ELMO1: variants seen among roughly 807,000 people sequenced by gnomAD.
The protein encoded by ELMO1 is engulfment and cell motility 1, also known as engulfment and cell motility protein 1.
In ELMO1, 26 loss-of-function variants were observed where a neutral mutation model predicts 98.9. The ratio of observed to expected loss-of-function variants is 0.26; its 90% CI spans 0.19 to 0.36. The LOEUF is 0.36. Among genes scored for constraint, ELMO1 ranks in the 10% least tolerant of loss-of-function variants. ELMO1 has a pLI of 1.00. For missense variants in ELMO1, 627 were observed against 935.2 expected (o/e 0.67, Z 4.30); for synonymous variants, 346 against 346.0 (o/e 1.00, Z 0.00).
intron 14 of ELMO1, among the ~76,000 whole-genome samples, chr7:37,119,200 G>A (rs1311390280): frequency 6.6e-6 from 1 of 152,196 alleles, no homozygotes; most frequent in Non-Finnish European, 1.5e-5. Flanking sequence ...TGGAAAGGCT[G>A]AAAAGAGATT....
At chr7:37,136,408 C>T (rs185461803) in intron 13 of ELMO1, among the ~76,000 whole-genome samples, 157 of 152,264 alleles carry the variant, frequency 1.0e-3, no homozygotes, top group African/African-American at 3.7e-3. Flanking sequence ...AACATCATCA[C>T]CTAGGCACAT....
At chr7:37,247,769 T>A (rs753452303) in intron 6 of ELMO1, among the ~76,000 whole-genome samples, 1 of 152,120 alleles carries the variant, frequency 6.6e-6, no homozygotes, top group Non-Finnish European at 1.5e-5. Flanking sequence ...GGAGCTAGAT[T>A]CTTTCCATTA....
rs184117889 is a variant in ELMO1, at chr7:37,106,729, T to C, written c.1192-10002A>G. Among the ~76,000 whole-genome samples the C allele has an allele frequency of 4.6e-5, 7 of 152,190 alleles. No individual in the cohort carries two copies. In the East Asian group the frequency reaches 1.4e-3, roughly 29 times the overall value. On this transcript the variant is annotated intron_variant, in intron 14 of 21. Transcript: ENST00000310758. ...GTGGCATTGGTACAAAGTCCTGTGG[T>C]ATCATTAAGGCAGAACTCCTCTACT...
intron 4 of ELMO1, among the ~76,000 whole-genome samples, chr7:37,297,718 CAAAT>C (rs1472070582): frequency 6.6e-6 from 1 of 151,920 alleles, no homozygotes; most frequent in Non-Finnish European, 1.5e-5. Flanking sequence ...GAAAGTTTGA[CAAAT>C]AAATAGGAAA....
At chr7:37,159,616 C>G (rs1789056759) in intron 13 of ELMO1, among the ~76,000 whole-genome samples, 1 of 152,122 alleles carries the variant, frequency 6.6e-6, no homozygotes, top group Non-Finnish European at 1.5e-5. Context: ...AAGAGAATCA[C>G]TTGAACCAGG....
chr7:37,364,826 G>A (rs1353668420), intron 1 of ELMO1, among the ~76,000 whole-genome samples: 1 of 152,138 alleles, frequency 6.6e-6, no homozygotes, highest in African/African-American at 2.4e-5. Context: ...TCCTATTGAA[G>A]GTGGGTCAGA....
At chr7:37,371,742 C>T (rs966633080) in intron 1 of ELMO1, among the ~76,000 whole-genome samples, 1 of 152,208 alleles carries the variant, frequency 6.6e-6, no homozygotes, top group Non-Finnish European at 1.5e-5. Context: ...ACAGCAGACT[C>T]TCCTGGTTCT....
chr7:36,891,890 C>G (rs1220359397), intron 17 of ELMO1, among the ~76,000 whole-genome samples: 1 of 152,154 alleles, frequency 6.6e-6, no homozygotes. Context: ...CCCTTCCTCT[C>G]CAGCATAGTG....
intron 1 of ELMO1, among the ~76,000 whole-genome samples, chr7:37,446,557 A>C (rs1805626408): frequency 6.6e-6 from 1 of 152,172 alleles, no homozygotes; most frequent in Non-Finnish European, 1.5e-5. Flanking sequence ...CCCTAGGGAG[A>C]GAACTCAGTG....
chr7:37,233,137 G>A lies in ELMO1; in HGVS notation c.507C>T (p.Gly169=), dbSNP rs1417751185. 8.1e-6 allele frequency: 13 copies of A among 1,613,786 alleles called. No homozygotes were observed. The highest frequency in any genetic ancestry group is 1.1e-5 in the Non-Finnish European group (13 of 1,179,852). ...LTAFVELMDH[G]IVSWDTFSVA... ...CCGAAAATGTATCCCAGGACACTAT[G>A]CCATGGTCCATCAGCTCAACGAAGG... is the stretch of plus-strand genomic sequence containing the variant. Residue 169 remains glycine (G), a synonymous_variant, in exon 8 of 22, where the codon GGC becomes GGT. Transcript: ENST00000310758.
chr7:37,087,547 A>G lies in ELMO1; in HGVS notation c.1300+9072T>C, dbSNP rs184576745. Among the ~76,000 whole-genome samples the G allele has an allele frequency of 2.6e-4, 39 of 152,200 alleles. No homozygotes were observed. The East Asian group carries it at 4.1e-3, about 16-fold the overall frequency. On this transcript the variant is annotated intron_variant, in intron 15 of 21. Coordinates refer to ENST00000310758, the MANE Select transcript of ELMO1 (RefSeq NM_014800.11). Reference sequence around the variant, plus strand: ...TTATTGGGTTTAAATTGAAATTAGCATCTGGGTTTTCACATTGAGCTTATT... The same window carrying G: ...TTATTGGGTTTAAATTGAAATTAGCGTCTGGGTTTTCACATTGAGCTTATT...
At chr7:37,253,501 C>T (rs549825793) in intron 6 of ELMO1, among the ~76,000 whole-genome samples, 56 of 152,298 alleles carry the variant, frequency 3.7e-4, no homozygotes, top group Non-Finnish European at 7.8e-4. Context: ...ACCGCATGTT[C>T]TCACTTGTAA....
At chr7:36,987,780 T>C (rs894688233) in intron 16 of ELMO1, among the ~76,000 whole-genome samples, 1 of 152,168 alleles carries the variant, frequency 6.6e-6, no homozygotes, top group Non-Finnish European at 1.5e-5. Flanking sequence ...CCCACTGGTG[T>C]TTTGTTTTGT....
At chr7:36,927,379 C>T (rs957761161) in intron 16 of ELMO1, among the ~76,000 whole-genome samples, 1 of 152,238 alleles carries the variant, frequency 6.6e-6, no homozygotes, top group African/African-American at 2.4e-5. Context: ...GCTTCTCGAA[C>T]TTGTTGGGCG....
At chr7:37,441,489 A>G (rs760812169) in intron 1 of ELMO1, among the ~76,000 whole-genome samples, 2 of 152,216 alleles carry the variant, frequency 1.3e-5, no homozygotes, top group Non-Finnish European at 2.9e-5. Flanking sequence ...AATAACCATT[A>G]CTATCCAACT....
intron 13 of ELMO1, among the ~76,000 whole-genome samples, chr7:37,186,105 A>G (rs1463703612): frequency 6.6e-6 from 1 of 152,242 alleles, no homozygotes; most frequent in Non-Finnish European, 1.5e-5. Flanking sequence ...TGGACTTGAC[A>G]TAAGAATAAA....
At chr7:37,177,994 G>A (rs1790586263) in intron 13 of ELMO1, among the ~76,000 whole-genome samples, 1 of 151,864 alleles carries the variant, frequency 6.6e-6, no homozygotes, top group Non-Finnish European at 1.5e-5. Context: ...AACTTCCTGT[G>A]ATGGTTAATT....
intron 13 of ELMO1, among the ~76,000 whole-genome samples, chr7:37,204,890 T>C (rs543579774): frequency 5.9e-5 from 9 of 152,232 alleles, no homozygotes; most frequent in African/African-American, 2.2e-4. Flanking sequence ...GAGTGCTGAT[T>C]GGTGCGTTTA....
intron 1 of ELMO1, among the ~76,000 whole-genome samples, chr7:37,349,840 C>T (rs75819806): frequency 0.15 from 22,302 of 152,238 alleles, 1,713 homozygotes; most frequent in Non-Finnish European, 0.18. Flanking sequence ...AAAAGTTTTG[C>T]TCTTCTCTTC....
Sources: allele counts gnomAD v4.1 joint callset (sites outside exome capture counted in the v4.1 genomes callset), GRCh38; gene constraint gnomAD v4.1.1; transcripts MANE v1.5; gene names NCBI Gene and HGNC (gene_info 2026-07-23, HGNC 2026-07-21).